The following ARHGAP42 variants were observed in gnomAD, a reference collection of about 807,000 sequenced individuals.
ARHGAP42 encodes Rho GTPase activating protein 42, also known as rho GTPase-activating protein 42.
ARHGAP42 carries 63 observed loss-of-function variants against 125.0 expected under a neutral mutation model. That is an observed-to-expected ratio of 0.50 (90% CI 0.41 to 0.62). ARHGAP42 has a LOEUF of 0.62. Among genes scored for constraint, ARHGAP42 ranks in the 20% least tolerant of loss-of-function variants. The pLI is 0.00. For synonymous variants in ARHGAP42, 339 were observed against 351.0 expected, an observed-to-expected ratio of 0.97 and a Z score of 0.38; for missense variants, 766 against 1,024.2, an observed-to-expected ratio of 0.75 and a Z score of 3.44.
intron 7 of ARHGAP42, among the ~76,000 whole-genome samples, chr11:100,935,219 A>G (rs1382082052): frequency 1.3e-5 from 2 of 152,134 alleles, no homozygotes; most frequent in Non-Finnish European, 2.9e-5. Flanking sequence ...TTTGTGAGGT[A>G]ATGCAAAAGA....
chr11:100,825,297 G>A (rs1009074757), intron 3 of ARHGAP42, among the ~76,000 whole-genome samples: 2 of 152,046 alleles, frequency 1.3e-5, no homozygotes, highest in African/African-American at 2.4e-5. Context: ...ATTCAGTTGG[G>A]TGTTACTTCT....
intron 17 of ARHGAP42, among the ~76,000 whole-genome samples, chr11:100,968,177 G>T (rs772264336): frequency 2.0e-5 from 3 of 152,106 alleles, no homozygotes; most frequent in Non-Finnish European, 4.4e-5. Context: ...CAACCTGTTT[G>T]TATTTCTGAG....
At chr11:100,798,890 C>G (rs1204739253) in intron 3 of ARHGAP42, among the ~76,000 whole-genome samples, 1 of 152,058 alleles carries the variant, frequency 6.6e-6, no homozygotes, top group Non-Finnish European at 1.5e-5. Flanking sequence ...ATTAAGGTGC[C>G]CTTGACTCAG....
At chr11:100,900,572 C>A (rs1183288166) in intron 4 of ARHGAP42, among the ~76,000 whole-genome samples, 2 of 152,220 alleles carry the variant, frequency 1.3e-5, no homozygotes, top group South Asian at 4.1e-4. Context: ...GGTCTTTTCA[C>A]ATGGTCCCAT....
At chr11:100,916,207 A>G (rs1867059092) in intron 5 of ARHGAP42, among the ~76,000 whole-genome samples, 2 of 152,242 alleles carry the variant, frequency 1.3e-5, no homozygotes, top group African/African-American at 4.8e-5. Context: ...TAGGCTTTAT[A>G]GTGGATAGAA....
rs1861108850 is a variant in ARHGAP42 at position 100,687,694 on chromosome 11, C to T, written c.16C>T (p.Leu6=). 6.5e-7 allele frequency: 1 copy of T among 1,542,030 alleles called. No homozygotes were observed. The highest frequency in any genetic ancestry group is 1.2e-5 in the South Asian group (1 of 82,998). Residue 6 remains leucine (L), a synonymous_variant, in exon 1 of 24, where the codon CTG becomes TTG. Coordinates refer to ENST00000298815, the MANE Select transcript of ARHGAP42 (RefSeq NM_152432.4). ...CGCCTGTGCCATGGGGCTGCCCACT[C>T]TGGAGTTCAGCGATTCCTACTTGGA... MGLPT[L]EFSDSYLDSP...
intron 2 of ARHGAP42, among the ~76,000 whole-genome samples, chr11:100,778,581 C>A (rs146867584): frequency 2.6e-5 from 4 of 151,310 alleles, no homozygotes; most frequent in African/African-American, 7.3e-5. Flanking sequence ...TTTAAACCAC[C>A]CTTATTTTTG....
At chr11:100,698,113 A>G (rs1861318301) in intron 1 of ARHGAP42, among the ~76,000 whole-genome samples, 1 of 152,130 alleles carries the variant, frequency 6.6e-6, no homozygotes, top group African/African-American at 2.4e-5. Flanking sequence ...CTTGTCTCCA[A>G]CTTCTAGCCT....
intron 1 of ARHGAP42, 24 bp downstream of exon 1, chr11:100,687,856 G>A (rs1861111809): frequency 1.3e-6 from 2 of 1,533,040 alleles, no homozygotes; most frequent in African/African-American, 1.4e-5. Context: ...GCGGGGGAGT[G>A]GACACCCGCA....
At chr11:100,843,820 C>T (rs1341492036) in intron 3 of ARHGAP42, among the ~76,000 whole-genome samples, 4 of 152,148 alleles carry the variant, frequency 2.6e-5, no homozygotes, top group East Asian at 3.9e-4. Flanking sequence ...AATGGAAACA[C>T]GTCCCATGCT....
intron 12 of ARHGAP42, 175 bp from the exon 13 acceptor site, chr11:100,959,708 G>A (rs1437922640): frequency 8.3e-6 from 5 of 604,432 alleles, no homozygotes; most frequent in Non-Finnish European, 1.5e-5. Flanking sequence ...TGAGGGTGAA[G>A]TTCCCTCCTC....
At chr11:100,734,723 A>G (rs1373451330) in intron 1 of ARHGAP42, among the ~76,000 whole-genome samples, 1 of 152,208 alleles carries the variant, frequency 6.6e-6, no homozygotes, top group Non-Finnish European at 1.5e-5. Flanking sequence ...CTGTTGGAAG[A>G]ACAATCCCAG....
intron 3 of ARHGAP42, among the ~76,000 whole-genome samples, chr11:100,847,440 A>T (rs1016230360): frequency 5.9e-5 from 9 of 152,234 alleles, no homozygotes; most frequent in East Asian, 1.9e-4. Flanking sequence ...AGGTAAGGAG[A>T]TGCCTTTTCT....
rs199753600 is a variant in ARHGAP42, at chr11:100,764,005, C to CTCT, written c.155-6318_155-6316dup. ...CCTCTTCCTTCTCCTCCTCCTCCCC[C>CTCT]TCTTCTTCTTCTTCTTCTTCTTTTT... On this transcript the variant is annotated intron_variant, in intron 1 of 23. Coordinates refer to ENST00000298815, the MANE Select transcript of ARHGAP42 (RefSeq NM_152432.4). 9.5e-3 allele frequency among the ~76,000 whole-genome samples: 1,347 copies of CTCT among 141,358 alleles called. 21 individuals are homozygous for CTCT. The highest frequency in any genetic ancestry group is 0.033 in the African/African-American group (1,235 of 37,850). 92.7% of individuals were successfully genotyped at this position (141,358 alleles called of 152,430 possible). A position where few individuals can be genotyped will look rare whatever the true frequency, so the allele number is the denominator to read the frequency against.
At chr11:100,792,690 T>A (rs556302400) in intron 2 of ARHGAP42, among the ~76,000 whole-genome samples, 10 of 152,304 alleles carry the variant, frequency 6.6e-5, no homozygotes, top group African/African-American at 2.4e-4. Context: ...ACTTAGTTTA[T>A]TGTGATTGTG....
chr11:100,729,509 T>C, intron 1 of ARHGAP42, among the ~76,000 whole-genome samples: 1 of 152,164 alleles, frequency 6.6e-6, no homozygotes, highest in East Asian at 1.9e-4. Context: ...TAGATTGAAA[T>C]TTATATTTCT....
At chr11:100,692,952 C>T (rs1409240332) in intron 1 of ARHGAP42, among the ~76,000 whole-genome samples, 1 of 152,100 alleles carries the variant, frequency 6.6e-6, no homozygotes, top group African/African-American at 2.4e-5. Flanking sequence ...CTTTTTAAGC[C>T]AGCTTTGACT....
chr11:100,929,426 A>G (rs1012150706), intron 6 of ARHGAP42, among the ~76,000 whole-genome samples: 9 of 152,034 alleles, frequency 5.9e-5, no homozygotes, highest in Non-Finnish European at 1.3e-4. Context: ...GTGTAGATAC[A>G]TGTTTTTCTC....
At chr11:100,802,001 A>C (rs1863864606) in intron 3 of ARHGAP42, among the ~76,000 whole-genome samples, 1 of 152,242 alleles carries the variant, frequency 6.6e-6, no homozygotes, top group East Asian at 1.9e-4. Flanking sequence ...CATAAAATGC[A>C]GCACTTAAAT....
Sources: gnomAD v4.1 joint callset for allele counts (sites outside exome capture counted in the v4.1 genomes callset) on GRCh38, gnomAD v4.1.1 for gene constraint, MANE v1.5 for transcripts, NCBI Gene and HGNC (gene_info 2026-07-23, HGNC 2026-07-21) for gene names.